Variants in SCFD2 observed in about 807,000 individuals in gnomAD.
SCFD2 encodes the protein sec1 family domain containing 2.
A neutral mutation model predicts 58.9 loss-of-function variants in SCFD2; 54 were observed. The observed-to-expected ratio is 0.92, with a 90% CI of 0.74 to 1.15. The LOEUF is 1.15. Ranked by LOEUF, SCFD2 falls within the 50% of genes most tolerant of loss-of-function variation. The probability of loss-of-function intolerance (pLI) is 0.00; values close to 1 mark genes in which losing one functional copy is unlikely to be tolerated. For missense variants in SCFD2, 805 were observed against 836.6 expected (o/e 0.96, Z 0.47); for synonymous variants, 321 against 335.9 (o/e 0.96, Z 0.49).
At chr4:53,141,546 T>C (rs528237685) in intron 5 of SCFD2, among the ~76,000 whole-genome samples, 2 of 152,280 alleles carry the variant, frequency 1.3e-5, no homozygotes, top group Admixed American at 1.3e-4. Context: ...AAAGGACACC[T>C]CTTCATTTAC....
chr4:53,320,610 C>T (rs1464361761), intron 2 of SCFD2, among the ~76,000 whole-genome samples: 3 of 152,018 alleles, frequency 2.0e-5, no homozygotes, highest in Non-Finnish European at 1.5e-5. Flanking sequence ...AGAGTAAAAC[C>T]CTGTCTCAAA....
chr4:53,217,174 G>C (rs1365819233), intron 4 of SCFD2, among the ~76,000 whole-genome samples: 1 of 152,164 alleles, frequency 6.6e-6, no homozygotes, highest in Non-Finnish European at 1.5e-5. Context: ...ACTTGGTGCA[G>C]AGCTGAGTTC....
In SCFD2 at chr4:53,255,974, C is replaced by T. The variant is rs568804337; in HGVS notation, c.1311+17852G>A. ...GTGGCTGGCCGGGTGGGGGGCTGAC[C>T]CCCCCACCTCCCTCCCAGACGGGGC... On this transcript the variant is annotated intron_variant, in intron 4 of 8. Transcript: ENST00000401642. Among the ~76,000 whole-genome samples the T allele has an allele frequency of 2.7e-5, 4 of 147,240 alleles. No individual in the cohort carries two copies. In the South Asian group the frequency reaches 8.6e-4, roughly 32 times the overall value.
chr4:53,335,060 G>A (rs986976109), intron 2 of SCFD2, among the ~76,000 whole-genome samples: 4 of 151,962 alleles, frequency 2.6e-5, no homozygotes, highest in Non-Finnish European at 5.9e-5. Context: ...AGTCAGGCAT[G>A]GTGGCAGATG....
At chr4:53,354,161 C>G (rs1734328397) in intron 1 of SCFD2, among the ~76,000 whole-genome samples, 1 of 152,256 alleles carries the variant, frequency 6.6e-6, no homozygotes, top group South Asian at 2.1e-4. Flanking sequence ...GGCTCGGGCC[C>G]CATAGGAGCC....
intron 4 of SCFD2, among the ~76,000 whole-genome samples, chr4:53,238,579 G>C (rs1268668009): frequency 6.6e-6 from 1 of 151,906 alleles, no homozygotes; most frequent in Non-Finnish European, 1.5e-5. Context: ...CGGCTGCCGG[G>C]CGGAGGGGCT....
chr4:53,214,971 G>A (rs539007434), intron 4 of SCFD2, among the ~76,000 whole-genome samples: 9 of 152,120 alleles, frequency 5.9e-5, no homozygotes, highest in South Asian at 2.1e-4. Context: ...GTAGATATGC[G>A]GCGTTATTTC....
intron 5 of SCFD2, among the ~76,000 whole-genome samples, chr4:53,020,802 A>T (rs1722332135): frequency 6.6e-6 from 1 of 152,172 alleles, no homozygotes; most frequent in African/African-American, 2.4e-5. Flanking sequence ...ATTAAACAAG[A>T]TGGAGCTAGG....
At chr4:53,020,722 T>C (rs879856605) in intron 5 of SCFD2, among the ~76,000 whole-genome samples, 1 of 152,052 alleles carries the variant, frequency 6.6e-6, no homozygotes, top group Non-Finnish European at 1.5e-5. Context: ...TGACCGAGGG[T>C]ACAAATGAAA....
chr4:53,252,996 A>C (rs933940225), intron 4 of SCFD2, among the ~76,000 whole-genome samples: 1 of 152,188 alleles, frequency 6.6e-6, no homozygotes, highest in African/African-American at 2.4e-5. Flanking sequence ...TCATCTGACA[A>C]AGGGCTAATA....
chr4:53,265,744 TTTTATTTA>T (rs570447452), intron 4 of SCFD2, among the ~76,000 whole-genome samples: 2 of 151,932 alleles, frequency 1.3e-5, no homozygotes, highest in Non-Finnish European at 2.9e-5. Context: ...TTCTTTTGCC[TTTTATTTA>T]TTTATTTATT....
chr4:53,313,090 T>G (rs542119312), intron 3 of SCFD2, among the ~76,000 whole-genome samples: 97 of 152,128 alleles, frequency 6.4e-4, no homozygotes, highest in Admixed American at 1.8e-3. Flanking sequence ...CAAAGATGGA[T>G]GTGAAAAAAA....
At chr4:53,022,412 C>T (rs979933031) in intron 5 of SCFD2, among the ~76,000 whole-genome samples, 3 of 152,068 alleles carry the variant, frequency 2.0e-5, no homozygotes, top group East Asian at 1.9e-4. Flanking sequence ...CTAAAAATAA[C>T]GTGTGTTCCA....
intron 5 of SCFD2, among the ~76,000 whole-genome samples, chr4:53,007,305 G>GGAGAGAGAGAGAGAGAGAGAGAGAGAGA (rs147645284): frequency 7.6e-5 from 5 of 66,080 alleles, no homozygotes; most frequent in African/African-American, 1.9e-4. Flanking sequence ...AGAGGGAGAG[G>GGAGAGAGAGAGAGAGAGAGAGAGAGAGA]GAGAGAGAGA....
intron 3 of SCFD2, among the ~76,000 whole-genome samples, chr4:53,298,551 C>T (rs939787316): frequency 1.6e-4 from 24 of 152,212 alleles, no homozygotes; most frequent in African/African-American, 5.5e-4. Flanking sequence ...ACAGCAATAA[C>T]CTCTGCAGAC....
chr4:53,046,476 A>G (rs998035634), intron 5 of SCFD2, among the ~76,000 whole-genome samples: 8 of 152,050 alleles, frequency 5.3e-5, no homozygotes, highest in Non-Finnish European at 1.0e-4. Context: ...TGGCCTCCCA[A>G]AGTGTTGGAA....
intron 5 of SCFD2, among the ~76,000 whole-genome samples, chr4:53,136,667 C>A (rs569526277): frequency 6.6e-6 from 1 of 152,272 alleles, no homozygotes; most frequent in South Asian, 2.1e-4. Context: ...CACTTGAATT[C>A]AGATATTTGG....
chr4:53,224,018 C>G (rs766828987), intron 4 of SCFD2, among the ~76,000 whole-genome samples: 3 of 152,202 alleles, frequency 2.0e-5, no homozygotes, highest in Non-Finnish European at 4.4e-5. Flanking sequence ...CTTTTCCCTT[C>G]ATTCTGGGCT....
intron 1 of SCFD2, among the ~76,000 whole-genome samples, chr4:53,353,507 C>G (rs1233186898): frequency 2.0e-5 from 3 of 152,214 alleles, no homozygotes; most frequent in African/African-American, 7.2e-5. Flanking sequence ...CCTTATCTGA[C>G]CCCACCCACA....
Sources: allele counts gnomAD v4.1 joint callset (sites outside exome capture counted in the v4.1 genomes callset), GRCh38; gene constraint gnomAD v4.1.1; transcripts MANE v1.5; gene names NCBI Gene and HGNC (gene_info 2026-07-23, HGNC 2026-07-21).